MED17: variants seen among roughly 807,000 people sequenced by gnomAD.
The protein encoded by MED17 is mediator complex subunit 17.
In MED17, 49 loss-of-function variants were observed where a neutral mutation model predicts 80.8. The observed-to-expected ratio is 0.61, with a 90% CI of 0.48 to 0.77. MED17 has a LOEUF of 0.77. MED17 is among the 30% of genes least tolerant of loss of function. The pLI is 0.00. For missense variants in MED17, 718 were observed against 787.0 expected (o/e 0.91, Z 1.05); for synonymous variants, 281 against 280.4 (o/e 1.00, Z -0.02).
Position 93,813,775 on chromosome 11 carries a change from C to G in MED17, c.*1711C>G, listed in dbSNP as rs1369620618. 1 of 152,174 alleles carries G rather than the reference C, an allele frequency of 6.6e-6. No homozygotes were observed. The highest frequency in any genetic ancestry group is 1.5e-5 in the Non-Finnish European group (1 of 68,046). 9.4% of individuals were successfully genotyped at this position (152,174 alleles called of 1,614,324 possible). On this transcript the variant is annotated 3_prime_UTR_variant, in exon 12 of 12. Coordinates refer to ENST00000251871, the MANE Select transcript of MED17 (RefSeq NM_004268.5). The stretch of plus-strand genomic sequence containing the variant: ...CTCTGTTCCCCAGGCTGGAGTGCAG[C>G]AGCACTGTTTTGGCTCACTGCAACC...
At chr11:93,790,135 G>T (rs1409228177) in intron 2 of MED17, 1 of 242,318 alleles carries the variant, frequency 4.1e-6, no homozygotes, top group African/African-American at 2.3e-5. Flanking sequence ...CATTGTTCTA[G>T]GGTTTGTGGA....
chr11:93,784,354 T>G lies in MED17; in HGVS notation c.-160T>G. ...TGGGAAAGTTGCTGGGCCAGCTCCTTTGTTTCCAGTCTGAGCGTTGCGTTC... is the reference window on the plus strand; with the variant it reads ...TGGGAAAGTTGCTGGGCCAGCTCCTGTGTTTCCAGTCTGAGCGTTGCGTTC... On this transcript the variant is annotated 5_prime_UTR_variant, in exon 1 of 12. Coordinates refer to ENST00000251871, the MANE Select transcript of MED17 (RefSeq NM_004268.5). 1 of 945,140 alleles carries G rather than the reference T, an allele frequency of 1.1e-6. No individual in the cohort carries two copies. The highest frequency in any genetic ancestry group is 1.5e-6 in the Non-Finnish European group (1 of 657,408). 58.5% of individuals were successfully genotyped at this position (945,140 alleles called of 1,614,324 possible). A position where few individuals can be genotyped will look rare whatever the true frequency, so the allele number is the denominator to read the frequency against.
chr11:93,794,556 A>C (rs1029293650), intron 5 of MED17: 1 of 278,358 alleles, frequency 3.6e-6, no homozygotes, highest in Non-Finnish European at 6.8e-6. Context: ...TGAGATTTTT[A>C]TATTTTGGAA....
At chr11:93,811,563 A>C in intron 11 of MED17, 1 of 388,792 alleles carries the variant, frequency 2.6e-6, no homozygotes, top group East Asian at 5.6e-5. Flanking sequence ...AACAAACAAA[A>C]AGATGATTTC....
At position 93,812,261 on chromosome 11, in the gene MED17, A is replaced by G; in HGVS notation, c.*197A>G. The stretch of plus-strand genomic sequence containing the variant: ...TGCTTTGAAATGCAGAAGTTTATGT[A>G]CAGTTGTATATACAGTATGACAAGA... On this transcript the variant is annotated 3_prime_UTR_variant, in exon 12 of 12. Transcript: ENST00000251871. The G allele has an allele frequency of 1.6e-6, 1 of 629,180 alleles. No homozygotes were observed. Among genetic ancestry groups the G allele is most frequent in the Non-Finnish European group, 2.8e-6 (1 of 358,112 alleles). 39.0% of individuals were successfully genotyped at this position (629,180 alleles called of 1,614,324 possible).
rs145642106 is a variant in MED17 at position 93,801,895 on chromosome 11, T to C, written c.1389T>C (p.His463=). The C allele has an allele frequency of 7.4e-6, 12 of 1,613,392 alleles. No homozygotes were observed. The highest frequency in any genetic ancestry group is 2.2e-5 in the East Asian group (1 of 44,864). The part of the protein sequence containing the change: ...SRIEDPQIQA[H]WSNINDVYES... ...TTGAGGATCCTCAGATACAGGCTCA[T>C]TGGTCAAATATCAATGATGTTTATG... The change falls in exon 9 of 12, where the codon CAT becomes CAC. Residue 463 remains histidine, a synonymous_variant. Transcript: ENST00000251871.
At chr11:93,798,015 T>G (rs571370569) in intron 8 of MED17, among the ~76,000 whole-genome samples, 2 of 152,336 alleles carry the variant, frequency 1.3e-5, no homozygotes, top group East Asian at 3.9e-4. Flanking sequence ...GTGAGATACT[T>G]ATTTCTGAAC....
chr11:93,803,206 A>G (rs181282313), intron 9 of MED17, among the ~76,000 whole-genome samples: 2 of 152,344 alleles, frequency 1.3e-5, no homozygotes, highest in East Asian at 1.9e-4. Context: ...GAAACACAAA[A>G]TAACGACCCT....
chr11:93,799,914 T>C (rs1043389460), intron 8 of MED17, among the ~76,000 whole-genome samples: 3 of 152,062 alleles, frequency 2.0e-5, no homozygotes, highest in Non-Finnish European at 2.9e-5. Flanking sequence ...AAATTTTATA[T>C]CCTTCTGAGT....
intron 1 of MED17, among the ~76,000 whole-genome samples, chr11:93,787,473 A>T (rs2135709097): frequency 6.6e-6 from 1 of 152,302 alleles, no homozygotes; most frequent in African/African-American, 2.4e-5. Flanking sequence ...GTTACCTCTC[A>T]GGAGGGGAGA....
At chr11:93,802,255 C>G (rs1214287148) in intron 9 of MED17, among the ~76,000 whole-genome samples, 1 of 151,886 alleles carries the variant, frequency 6.6e-6, no homozygotes, top group Non-Finnish European at 1.5e-5. Flanking sequence ...GGCATGTGCC[C>G]CCATGCCCAG....
At chr11:93,809,077 A>G (rs1436277681) in intron 10 of MED17, 1 of 159,002 alleles carries the variant, frequency 6.3e-6, no homozygotes, top group Non-Finnish European at 1.4e-5. Context: ...TAGTAGTAGT[A>G]ACCAGGTAAC....
intron 2 of MED17, chr11:93,790,127 T>G: frequency 5.0e-6 from 1 of 200,710 alleles, no homozygotes; most frequent in Non-Finnish European, 1.0e-5. Context: ...GTGCCAGGCA[T>G]TGTTCTAGGG....
In MED17 at chr11:93,812,144, GAGATAACTTCCAAAAGAGTGCTGT is replaced by G. The variant is rs1378275569; in HGVS notation, c.*81_*104del. 1 of 1,208,542 alleles carries G rather than the reference GAGATAACTTCCAAAAGAGTGCTGT, an allele frequency of 8.3e-7. No homozygotes were observed. Among genetic ancestry groups the G allele is most frequent in the African/African-American group, 1.5e-5 (1 of 66,670 alleles). 74.9% of individuals were successfully genotyped at this position (1,208,542 alleles called of 1,614,324 possible). A position where few individuals can be genotyped will look rare whatever the true frequency, so the allele number is the denominator to read the frequency against. On this transcript the variant is annotated 3_prime_UTR_variant, in exon 12 of 12. Coordinates refer to ENST00000251871, the MANE Select transcript of MED17 (RefSeq NM_004268.5). Reference sequence around the variant, plus strand: ...GCAGATCAACTATAAGCACAAAGAAGAGATAACTTCCAAAAGAGTGCTGTTTTTAAAAATAATAATTAGGAAATG... The same window carrying G: ...GCAGATCAACTATAAGCACAAAGAAGTTTTAAAAATAATAATTAGGAAATG...
chr11:93,790,923 A>G (rs1426437347), intron 3 of MED17, 130 bp downstream of exon 3: 54 of 809,834 alleles, frequency 6.7e-5, no homozygotes, highest in Non-Finnish European at 9.4e-5. Context: ...CCCAGGCAAC[A>G]TGGCAAAACC....
Position 93,784,543 on chromosome 11 carries a change from C to CATCGA in MED17, c.35_39dup (p.Ala14AsnfsTer36). 1 of 1,612,246 alleles carries CATCGA rather than the reference C, an allele frequency of 6.2e-7. No individual in the cohort carries two copies. The highest frequency in any genetic ancestry group is 8.5e-7 in the Non-Finnish European group (1 of 1,179,718). On this transcript the variant is annotated frameshift_variant, in exon 1 of 12. Coordinates refer to ENST00000251871, the MANE Select transcript of MED17 (RefSeq NM_004268.5). LOFTEE classifies it high-confidence loss of function. ...CCGGGGTGCGCGCAGTGCGGATCAG[C>CATCGA]ATCGAATCGGCCTGCGAGAAGCAGG...
intron 7 of MED17, chr11:93,796,826 G>A (rs1342592111): frequency 1.0e-5 from 4 of 397,582 alleles, no homozygotes; most frequent in Admixed American, 7.3e-5. Flanking sequence ...GACCGGGGGA[G>A]TTAAGGGAAA....
At chr11:93,802,735 C>T (rs1943975707) in intron 9 of MED17, among the ~76,000 whole-genome samples, 1 of 152,084 alleles carries the variant, frequency 6.6e-6, no homozygotes, top group Non-Finnish European at 1.5e-5. Context: ...TGGTGTTGAT[C>T]CTGGGTCTAA....
chr11:93,810,011 T>C, intron 11 of MED17, 135 bp downstream of exon 11: 1 of 859,378 alleles, frequency 1.2e-6, no homozygotes, highest in South Asian at 1.4e-5. Flanking sequence ...ACCGAATGTT[T>C]ATTTGATCAT....
Sources: gnomAD v4.1 joint callset for allele counts (sites outside exome capture counted in the v4.1 genomes callset) on GRCh38, gnomAD v4.1.1 for gene constraint, MANE v1.5 for transcripts, NCBI Gene and HGNC (gene_info 2026-07-23, HGNC 2026-07-21) for gene names.